Variants in HSPA1L observed in about 807,000 individuals in gnomAD.
The protein encoded by HSPA1L is heat shock 70 kDa protein 1-like.
Under a neutral mutation model 31.5 loss-of-function variants are expected in HSPA1L, and 21 were observed. That is an observed-to-expected ratio of 0.67 (90% CI 0.47 to 0.96). HSPA1L has a LOEUF of 0.96. HSPA1L is among the 40% of genes least tolerant of loss of function. HSPA1L has a pLI of 0.00. For missense variants in HSPA1L, 709 were observed against 813.4 expected (o/e 0.87, Z 1.56); for synonymous variants, 293 against 323.1 (o/e 0.91, Z 1.00).
intron 1 of HSPA1L, 95 bp downstream of exon 1, chr6:31,814,794 G>A: frequency 1.6e-6 from 1 of 611,570 alleles, no homozygotes; most frequent in Non-Finnish European, 2.0e-6. Flanking sequence ...ACATACCTCA[G>A]GCTTAAACCA....
chr6:31,811,973 G>A lies in HSPA1L; in HGVS notation c.-1C>T. 5 of 1,613,994 alleles carry A rather than the reference G, an allele frequency of 3.1e-6. No homozygotes were observed. The highest frequency in any genetic ancestry group is 4.2e-6 in the Non-Finnish European group (5 of 1,179,894). ...TGGCGATTCCCTTGGCAGTAGCCATGGTTCTCTGAGGCCTATGGAGAAAGA... is the reference window on the plus strand; with the variant it reads ...TGGCGATTCCCTTGGCAGTAGCCATAGTTCTCTGAGGCCTATGGAGAAAGA... On this transcript the variant is annotated 5_prime_UTR_variant, in exon 2 of 2. Coordinates refer to ENST00000375654, the MANE Select transcript of HSPA1L (RefSeq NM_005527.4).
intron 1 of HSPA1L, among the ~76,000 whole-genome samples, chr6:31,814,434 G>A (rs1257578010): frequency 6.6e-6 from 1 of 151,402 alleles, no homozygotes; most frequent in African/African-American, 2.4e-5. Flanking sequence ...GCCTGAACTC[G>A]GGAGGCAGAG....
Position 31,810,286 on chromosome 6 carries a change from T to A in HSPA1L, c.1687A>T (p.Lys563Ter). The change falls in exon 2 of 2, where the codon AAG becomes TAG. Residue 563 changes from lysine (K) to a stop codon, truncating the protein, a stop_gained. Coordinates refer to ENST00000375654, the MANE Select transcript of HSPA1L (RefSeq NM_005527.4). LOFTEE classifies it high-confidence loss of function. ...SVVSDEGLKG[K>*]ISESDKNKIL... ...TTATTTTTATCAGACTCACTAATCT[T>A]GCCCTTCAAACCTTCATCACTCACA... 6.5e-7 allele frequency: 1 copy of A among 1,546,360 alleles called. No individual in the cohort carries two copies. Among genetic ancestry groups the A allele is most frequent in the Non-Finnish European group, 8.7e-7 (1 of 1,149,822 alleles).
chr6:31,815,213 A>C lies in HSPA1L; in HGVS notation c.-338T>G. ...GGCCCAGCAAGCCCCCACAATTAAA[A>C]GCCCAGCGCCGACCCTTCCTGTCAA... On this transcript the variant is annotated 5_prime_UTR_variant, in exon 1 of 2. Transcript: ENST00000375654. 1 of 220,048 alleles carries C rather than the reference A, an allele frequency of 4.5e-6. No individual in the cohort carries two copies. The highest frequency in any genetic ancestry group is 7.5e-5 in the South Asian group (1 of 13,406). The allele number at this position is 220,048 out of a possible 1,614,324, so 13.6% of individuals were successfully genotyped here.
chr6:31,811,326 T>C lies in HSPA1L; in HGVS notation c.647A>G (p.Asp216Gly), dbSNP rs1815397862. ...TFDVSILTID[D>G]GIFEVKATAG... ...AGTGGCCTTTACCTCAAAAATCCCA[T>C]CATCTATGGTCAGAATTGACACATC... The change falls in exon 2 of 2, where the codon GAT becomes GGT. Residue 216 changes from aspartate to glycine, a missense_variant. Physicochemically the swap from Asp to Gly is moderately conservative, Grantham distance 94. Transcript: ENST00000375654. 1.2e-6 allele frequency: 2 copies of C among 1,614,146 alleles called. No individual in the cohort carries two copies. Among genetic ancestry groups the C allele is most frequent in the Non-Finnish European group, 1.7e-6 (2 of 1,180,026 alleles).
rs375474701 is a variant in HSPA1L, at chr6:31,811,142, C to T, written c.831G>A (p.Ser277=). ...TACERAKRTL[S]SSTQANLEID... The stretch of plus-strand genomic sequence containing the variant: ...TTTCTAGGTTGGCCTGGGTGCTGGA[C>T]GACAGGGTCCTCTTGGCCCTCTCGC... The change falls in exon 2 of 2, where the codon TCG becomes TCA. Residue 277 remains serine (S), a synonymous_variant. Transcript: ENST00000375654. The T allele has an allele frequency of 4.5e-5, 73 of 1,614,170 alleles. No individual in the cohort carries two copies. In the African/African-American group the frequency reaches 5.9e-4, roughly 13 times the overall value.
At position 31,811,332 on chromosome 6, in the gene HSPA1L, A is replaced by G. The variant is rs762890249; in HGVS notation, c.641T>C (p.Ile214Thr). 9.9e-6 allele frequency: 16 copies of G among 1,614,112 alleles called. No homozygotes were observed. The highest frequency in any genetic ancestry group is 1.3e-5 in the African/African-American group (1 of 74,932). ...CTTTACCTCAAAAATCCCATCATCT[A>G]TGGTCAGAATTGACACATCAAATGT... is the stretch of plus-strand genomic sequence containing the variant. ...GGTFDVSILT[I>T]DDGIFEVKAT... The change falls in exon 2 of 2, where the codon ATA (isoleucine) becomes ACA (threonine). Residue 214 changes from isoleucine (I) to threonine (T), a missense_variant. Ile to Thr is a moderately conservative substitution (Grantham distance 89, BLOSUM62 -1). Transcript: ENST00000375654.
chr6:31,810,683 G>GA lies in HSPA1L; in HGVS notation c.1289dup (p.Thr431HisfsTer5). 1 of 1,614,054 alleles carries GA rather than the reference G, an allele frequency of 6.2e-7. No homozygotes were observed. The highest frequency in any genetic ancestry group is 1.1e-5 in the South Asian group (1 of 91,080). On this transcript the variant is annotated frameshift_variant, in exon 2 of 2. Transcript: ENST00000375654. LOFTEE classifies it high-confidence loss of function. ...CGGGTTGGTTGTCAGAGTAGGTGGTGAAAATCTGTGTCTGCTTGGTGGGGA... is the reference window on the plus strand; with the variant it reads ...CGGGTTGGTTGTCAGAGTAGGTGGTGAAAAATCTGTGTCTGCTTGGTGGGGA...
rs1009695632 is a variant in HSPA1L, at chr6:31,814,870, C to T, written c.-14+19G>A. On this transcript the variant is annotated intron_variant, in intron 1 of 1. Transcript: ENST00000375654. ...TGAGCCTTTCAGGTTCACAATCAAT[C>T]AGATCCCTACTGGCTCACCTAGTCT... 12 of 983,180 alleles carry T rather than the reference C, an allele frequency of 1.2e-5. No homozygotes were observed. The African/African-American group carries it at 1.7e-4, about 14-fold the overall frequency. The allele number at this position is 983,180 out of a possible 1,614,324, so 60.9% of individuals were successfully genotyped here.
chr6:31,810,748 C>A lies in HSPA1L; in HGVS notation c.1225G>T (p.Gly409Trp). Residue 409 changes from glycine (G) to tryptophan (W), a missense_variant, in exon 2 of 2, where the codon GGG becomes TGG. By Grantham distance (184) the Gly-to-Trp change is radical (BLOSUM62 -2). Coordinates refer to ENST00000375654, the MANE Select transcript of HSPA1L (RefSeq NM_005527.4). Reference protein sequence around the residue: ...APLSLGLETAGGVMTALIKRN... With the variant: ...APLSLGLETAWGVMTALIKRN... ...TTTATCAGGGCAGTCATCACGCCCC[C>A]AGCCGTCTCCAGCCCCAGGGACAGG... 6.2e-7 allele frequency: 1 copy of A among 1,614,054 alleles called. No individual in the cohort carries two copies. The highest frequency in any genetic ancestry group is 8.5e-7 in the Non-Finnish European group (1 of 1,180,006).
At chr6:31,814,345 C>G (rs1415766376) in intron 1 of HSPA1L, among the ~76,000 whole-genome samples, 1 of 151,244 alleles carries the variant, frequency 6.6e-6, no homozygotes, top group East Asian at 1.9e-4. Flanking sequence ...AGCTTGAACC[C>G]GGGAGGTGGA....
Position 31,811,464 on chromosome 6 carries a change from T to C in HSPA1L, c.509A>G (p.Asn170Ser), listed in dbSNP as rs1815411883. The change falls in exon 2 of 2, where the codon AAT becomes AGT. Residue 170 changes from asparagine to serine, a missense_variant. Asn to Ser is a conservative substitution (Grantham distance 46). Transcript: ENST00000375654. ...TKDAGVIAGLNVLRIINEPTA... is the reference protein window; with the variant it reads ...TKDAGVIAGLSVLRIINEPTA... ...GGGCTCATTGATGATTCTTAGCACA[T>C]TAAGTCCAGCAATCACACCTGCATC... 2 of 1,614,062 alleles carry C rather than the reference T, an allele frequency of 1.2e-6. No homozygotes were observed. Among genetic ancestry groups the C allele is most frequent in the Non-Finnish European group, 8.5e-7 (1 of 1,180,030 alleles).
chr6:31,812,477 G>A (rs925525923), intron 1 of HSPA1L, among the ~76,000 whole-genome samples: 14 of 151,752 alleles, frequency 9.2e-5, no homozygotes, highest in African/African-American at 2.4e-4. Context: ...CCAGCTCTCT[G>A]CCTGGCTAAT....
rs916118865 is a variant in HSPA1L, at chr6:31,811,482, C to T, written c.491G>A (p.Gly164Asp). Residue 164 changes from glycine to aspartate, a missense_variant, in exon 2 of 2, where the codon GGT (glycine) becomes GAT (aspartate). Physicochemically the swap from Gly to Asp is moderately conservative, Grantham distance 94. Transcript: ENST00000375654. The part of the protein sequence containing the change: ...DSQRQATKDA[G>D]VIAGLNVLRI... ...TAGCACATTAAGTCCAGCAATCACA[C>T]CTGCATCCTTAGTAGCCTGACGTTG... 5.6e-6 allele frequency: 9 copies of T among 1,614,092 alleles called. No homozygotes were observed. The highest frequency in any genetic ancestry group is 1.7e-5 in the Admixed American group (1 of 60,004).
At position 31,809,778 on chromosome 6, in the gene HSPA1L, C is replaced by T. The variant is rs977334858; in HGVS notation, c.*269G>A. ...ACTGATTGACAAATAAGCATCCACA[C>T]AGGAAGAAGAATGTTAGGGTGGCTG... On this transcript the variant is annotated 3_prime_UTR_variant, in exon 2 of 2. Coordinates refer to ENST00000375654, the MANE Select transcript of HSPA1L (RefSeq NM_005527.4). The T allele has an allele frequency of 1.3e-5, 5 of 381,478 alleles. No individual in the cohort carries two copies. In the Admixed American group the frequency reaches 1.3e-4, roughly 10 times the overall value. The allele number at this position is 381,478 out of a possible 1,614,324, so 23.6% of individuals were successfully genotyped here. A position where few individuals can be genotyped will look rare whatever the true frequency, so the allele number is the denominator to read the frequency against.
At chr6:31,813,311 G>T (rs1379504250) in intron 1 of HSPA1L, among the ~76,000 whole-genome samples, 15 of 151,962 alleles carry the variant, frequency 9.9e-5, no homozygotes, top group Non-Finnish European at 2.9e-5. Context: ...CACTGTTTTT[G>T]ATTTTGTTTT....
rs1194003547 is a variant in HSPA1L, at chr6:31,811,537, T to A, written c.436A>T (p.Ile146Phe). Residue 146 changes from isoleucine to phenylalanine, a missense_variant, in exon 2 of 2, where the codon ATT (isoleucine) becomes TTT (phenylalanine). Transcript: ENST00000375654. The part of the protein sequence containing the change: ...FLGHPVTNAV[I>F]TVPAYFNDSQ... ...TCATTGAAATAGGCTGGCACGGTAA[T>A]CACTGCATTGGTGACAGGGTGGCCC... 1 of 1,614,152 alleles carries A rather than the reference T, an allele frequency of 6.2e-7. No homozygotes were observed. Among genetic ancestry groups the A allele is most frequent in the Admixed American group, 1.7e-5 (1 of 60,012 alleles).
chr6:31,810,360 A>G lies in HSPA1L; in HGVS notation c.1613T>C (p.Ile538Thr), dbSNP rs982029613. The G allele has an allele frequency of 1.6e-5, 26 of 1,606,808 alleles. No homozygotes were observed. The highest frequency in any genetic ancestry group is 2.2e-5 in the East Asian group (1 of 44,884). Residue 538 changes from isoleucine (I) to threonine (T), a missense_variant, in exon 2 of 2, where the codon ATT (isoleucine) becomes ACT (threonine). Ile to Thr is a moderately conservative substitution (Grantham distance 89). Transcript: ENST00000375654. ...GGATTCTAAGGCATTCTTTGCAGCA[A>G]TTTTCTCCCTCTGGACCTCATCTTC... ...KAEDEVQREK[I>T]AAKNALESYA...
At position 31,810,594 on chromosome 6, in the gene HSPA1L, C is replaced by G. The variant is rs147667814; in HGVS notation, c.1379G>C (p.Arg460Pro). The change falls in exon 2 of 2, where the codon CGG (arginine) becomes CCG (proline). Residue 460 changes from arginine (R) to proline (P), a missense_variant. By Grantham distance (103) the Arg-to-Pro change is moderately radical (BLOSUM62 -2). Transcript: ENST00000375654. ...TGGAGGGATTCCAGTCAGGTCAAAC[C>G]GCCCCAGCAGGTTGTTGTCCTTTGT... ...AMTKDNNLLG[R>P]FDLTGIPPAP... is the part of the protein sequence containing the mutation. The G allele has an allele frequency of 6.2e-7, 1 of 1,613,978 alleles. No individual in the cohort carries two copies. The highest frequency in any genetic ancestry group is 1.1e-5 in the South Asian group (1 of 91,076).
Sources: gnomAD v4.1 joint callset for allele counts (sites outside exome capture counted in the v4.1 genomes callset) on GRCh38, gnomAD v4.1.1 for gene constraint, MANE v1.5 for transcripts, NCBI Gene and HGNC (gene_info 2026-07-23, HGNC 2026-07-21) for gene names.